The following RCC1 variants were observed in gnomAD, a reference collection of about 807,000 sequenced individuals.
RCC1 encodes the protein regulator of chromosome condensation 1.
Under a neutral mutation model 44.4 loss-of-function variants are expected in RCC1, and 11 were observed. That is an observed-to-expected ratio of 0.25 (90% CI 0.16 to 0.41). The LOEUF (loss-of-function observed/expected upper bound fraction) is 0.41. Ranked by LOEUF, RCC1 falls within the 10% of genes least tolerant of loss-of-function variation. The pLI, the probability that RCC1 is intolerant of heterozygous loss-of-function variation, is 1.00. For missense variants in RCC1, 386 were observed against 547.1 expected, an observed-to-expected ratio of 0.71 and a Z score of 2.94; for synonymous variants, 213 against 216.5, an observed-to-expected ratio of 0.98 and a Z score of 0.14.
At chr1:28,537,793 G>A (rs1439813098) in intron 12 of RCC1, 39 bp from the exon 13 acceptor site, 44 of 1,578,336 alleles carry the variant, frequency 2.8e-5, no homozygotes, top group Non-Finnish European at 3.6e-5. Context: ...GTGGGCTGGG[G>A]ATCCTGGAGA....
At position 28,537,959 on chromosome 1, in the gene RCC1, C is replaced by T. The variant is rs779103379; in HGVS notation, c.1218C>T (p.Ser406=). The T allele has an allele frequency of 1.2e-4, 189 of 1,613,708 alleles. No homozygotes were observed. The highest frequency in any genetic ancestry group is 1.6e-4 in the Middle Eastern group (1 of 6,082). The change falls in exon 13 of 13, where the codon AGC becomes AGT. Residue 406 remains serine (S), a synonymous_variant. Transcript: ENST00000683442. ...LENRVVLSVS[S]GGQHTVLLVK... The stretch of plus-strand genomic sequence containing the variant: ...ACCGTGTGGTCTTATCTGTGTCCAG[C>T]GGGGGCCAGCATACAGTCTTATTAG...
chr1:28,521,414 T>C (rs1321969117), intron 4 of RCC1, among the ~76,000 whole-genome samples: 2 of 145,298 alleles, frequency 1.4e-5, no homozygotes, highest in Admixed American at 1.5e-4. Context: ...GGCAGGAGAA[T>C]GGCGTGAACC....
At chr1:28,519,603 T>C (rs897139145) in intron 4 of RCC1, among the ~76,000 whole-genome samples, 6 of 151,922 alleles carry the variant, frequency 3.9e-5, no homozygotes, top group African/African-American at 1.5e-4. Context: ...TTTCCACTCT[T>C]ATTACCCAGG....
intron 4 of RCC1, among the ~76,000 whole-genome samples, chr1:28,523,448 A>G (rs940640097): frequency 2.0e-5 from 3 of 152,188 alleles, no homozygotes; most frequent in Non-Finnish European, 1.5e-5. Context: ...TCTTCTCTGT[A>G]GAGTGGGATC....
chr1:28,515,135 G>C (rs1226258190), intron 3 of RCC1, among the ~76,000 whole-genome samples: 1 of 151,712 alleles, frequency 6.6e-6, no homozygotes, highest in Non-Finnish European at 1.5e-5. Flanking sequence ...AAAATTAGAT[G>C]GGCAATTAGC....
At chr1:28,512,034 G>A (rs1442896168) in intron 3 of RCC1, among the ~76,000 whole-genome samples, 1 of 147,274 alleles carries the variant, frequency 6.8e-6, no homozygotes, top group Non-Finnish European at 1.5e-5. Flanking sequence ...GAGTGCAGTG[G>A]CGTGATCTCA....
chr1:28,516,611 G>T (rs991578400), intron 3 of RCC1, 114 bp from the exon 4 acceptor site: 5 of 227,724 alleles, frequency 2.2e-5, no homozygotes, highest in African/African-American at 1.2e-4. Flanking sequence ...CAACTGCCAT[G>T]AGGTTTTTGT....
chr1:28,534,067 G>A (rs923115753), intron 7 of RCC1, among the ~76,000 whole-genome samples: 7 of 151,022 alleles, frequency 4.6e-5, no homozygotes, highest in African/African-American at 1.7e-4. Flanking sequence ...TAGTAGAGAC[G>A]GGGTTTCACC....
At chr1:28,530,570 C>G in intron 5 of RCC1, 3 of 1,606,552 alleles carry the variant, frequency 1.9e-6, no homozygotes, top group Non-Finnish European at 2.5e-6. Flanking sequence ...CCGCTCCTGC[C>G]AAGGTGCCTG....
chr1:28,510,498 G>A (rs1662449978), intron 3 of RCC1: 1 of 152,206 alleles, frequency 6.6e-6, no homozygotes, highest in Non-Finnish European at 1.5e-5. Flanking sequence ...GTGTGCACCT[G>A]TGGGAGGCTG....
rs199555587 is a variant in RCC1, at chr1:28,508,914, ATTT to A, written c.-153+18_-153+20del. On this transcript the variant is annotated intron_variant, in intron 3 of 12. Transcript: ENST00000683442. ...TATAGAAGGGAGAGTAGGTAAACTG[ATTT>A]TTTTTTTTAACAGGGAGGGTTTGAC... is the stretch of plus-strand genomic sequence containing the variant. The A allele has an allele frequency of 4.1e-5, 18 of 442,244 alleles. No individual in the cohort carries two copies. Among genetic ancestry groups the A allele is most frequent in the South Asian group, 2.1e-4 (12 of 57,348 alleles). 27.4% of individuals were successfully genotyped at this position (442,244 alleles called of 1,614,324 possible).
chr1:28,508,464 G>T, intron 2 of RCC1: 1 of 440,258 alleles, frequency 2.3e-6, no homozygotes, highest in Non-Finnish European at 4.6e-6. Context: ...TACATGTGTA[G>T]CCTGAGCTGA....
intron 7 of RCC1, 59 bp downstream of exon 7, chr1:28,532,409 C>T (rs758911943): frequency 2.5e-5 from 40 of 1,581,380 alleles, no homozygotes; most frequent in Admixed American, 5.2e-5. Flanking sequence ...TTGGCGGGGC[C>T]CCAAAGATAA....
intron 3 of RCC1, among the ~76,000 whole-genome samples, chr1:28,516,288 T>G (rs1570176219): frequency 6.6e-6 from 1 of 151,648 alleles, no homozygotes; most frequent in Non-Finnish European, 1.5e-5. Context: ...ATGAGGTGGG[T>G]GGCTCATGAG....
At chr1:28,509,137 G>T in intron 3 of RCC1, 2 of 324,194 alleles carry the variant, frequency 6.2e-6, no homozygotes, top group South Asian at 4.9e-5. Flanking sequence ...CTGTTTTGCA[G>T]AAAGTCTGCT....
chr1:28,508,352 A>G (rs1428649305), intron 2 of RCC1, 192 bp downstream of exon 2: 1 of 354,852 alleles, frequency 2.8e-6, no homozygotes, highest in Non-Finnish European at 5.6e-6. Flanking sequence ...ACTTCAACAT[A>G]TGCTCTGTTC....
intron 7 of RCC1, chr1:28,532,692 TC>T (rs778540854): frequency 1.6e-5 from 8 of 489,180 alleles, no homozygotes; most frequent in Non-Finnish European, 3.2e-5. Flanking sequence ...CTTCCACACT[TC>T]CCAGAGGCTT....
At chr1:28,509,904 T>A (rs1436246901) in intron 3 of RCC1, 1 of 152,138 alleles carries the variant, frequency 6.6e-6, no homozygotes, top group Non-Finnish European at 1.5e-5. Context: ...GAAAAATCGA[T>A]GGTAGCAACG....
rs774289710 is a variant in RCC1 at position 28,506,089 on chromosome 1, G to C, written c.-262+5G>C. 2.9e-5 allele frequency: 13 copies of C among 455,414 alleles called. 1 individual carries two copies. Among genetic ancestry groups the C allele is most frequent in the South Asian group, 1.7e-4 (11 of 64,552 alleles). The allele number at this position is 455,414 out of a possible 1,614,324, so 28.2% of individuals were successfully genotyped here. A position where few individuals can be genotyped will look rare whatever the true frequency, so the allele number is the denominator to read the frequency against. Reference sequence around the variant, plus strand: ...AGTGGTCGCTTCTTCTCCTTGGTAAGTGTGATCCTTGGTAAGTGTGATCAG... The same window carrying C: ...AGTGGTCGCTTCTTCTCCTTGGTAACTGTGATCCTTGGTAAGTGTGATCAG... On this transcript the variant is annotated splice_donor_5th_base_variant and intron_variant, in intron 1 of 12. Transcript: ENST00000683442.
Sources: allele counts gnomAD v4.1 joint callset (sites outside exome capture counted in the v4.1 genomes callset), GRCh38; gene constraint gnomAD v4.1.1; transcripts MANE v1.5; gene names NCBI Gene and HGNC (gene_info 2026-07-23, HGNC 2026-07-21).